The following TENM4 variants were observed in gnomAD, a reference collection of about 807,000 sequenced individuals.
The protein encoded by TENM4 is teneurin-4.
TENM4 carries 82 observed loss-of-function variants against 243.3 expected under a neutral mutation model. The observed-to-expected ratio is 0.34, with a 90% CI of 0.28 to 0.40. The LOEUF is 0.40. TENM4 is among the 10% of genes least tolerant of loss of function. The pLI, the probability that TENM4 is intolerant of heterozygous loss-of-function variation, is 1.00. For synonymous variants in TENM4, 1,412 were observed against 1,456.3 expected (o/e 0.97, Z 0.69); for missense variants, 3,138 against 3,673.3 (o/e 0.85, Z 3.77).
intron 1 of TENM4, among the ~76,000 whole-genome samples, chr11:79,374,654 T>A (rs560020122): frequency 2.6e-5 from 4 of 152,262 alleles, no homozygotes; most frequent in African/African-American, 9.6e-5. Context: ...CAAAAAGTTT[T>A]CTAAAATTTG....
At chr11:78,767,766 A>T (rs1047379624) in intron 18 of TENM4, among the ~76,000 whole-genome samples, 2 of 152,216 alleles carry the variant, frequency 1.3e-5, no homozygotes, top group African/African-American at 4.8e-5. Flanking sequence ...TGAATGATTT[A>T]TCTTGGATTA....
chr11:78,788,892 C>A (rs971752147), intron 15 of TENM4, among the ~76,000 whole-genome samples: 1 of 152,158 alleles, frequency 6.6e-6, no homozygotes, highest in African/African-American at 2.4e-5. Flanking sequence ...TATGACAGAG[C>A]ACCCTCCCTG....
At chr11:79,191,589 TC>T (rs1273431582) in intron 3 of TENM4, 1 of 158,456 alleles carries the variant, frequency 6.3e-6, no homozygotes, top group African/African-American at 2.6e-5. Flanking sequence ...TGGCTGCCCA[TC>T]GTCTGGGATG....
At chr11:79,337,912 G>T (rs1185980983) in intron 1 of TENM4, among the ~76,000 whole-genome samples, 1 of 152,188 alleles carries the variant, frequency 6.6e-6, no homozygotes, top group Non-Finnish European at 1.5e-5. Context: ...TAGACTTGCT[G>T]GCATCTCACA....
chr11:79,215,999 C>A (rs1864045778), intron 2 of TENM4, 90 bp from the exon 3 acceptor site: 3 of 292,856 alleles, frequency 1.0e-5, no homozygotes, highest in South Asian at 1.3e-4. Flanking sequence ...GCAGTCATTG[C>A]AAACACACAC....
chr11:78,845,503 C>T (rs1858369905), intron 12 of TENM4, among the ~76,000 whole-genome samples: 1 of 152,154 alleles, frequency 6.6e-6, no homozygotes. Flanking sequence ...CAGCTCTACC[C>T]CCAACTGTAC....
chr11:78,766,351 T>G (rs1856539163), intron 18 of TENM4, among the ~76,000 whole-genome samples: 1 of 152,250 alleles, frequency 6.6e-6, no homozygotes, highest in African/African-American at 2.4e-5. Context: ...GTCACCATCT[T>G]TGAAATGGGC....
intron 6 of TENM4, among the ~76,000 whole-genome samples, chr11:78,974,538 G>C (rs977451020): frequency 6.6e-6 from 1 of 152,116 alleles, no homozygotes; most frequent in Admixed American, 6.5e-5. Flanking sequence ...ATCTTTTAGA[G>C]CTGGGGAGCC....
chr11:78,744,776 A>G (rs558261001), intron 19 of TENM4, among the ~76,000 whole-genome samples: 19 of 152,356 alleles, frequency 1.2e-4, no homozygotes, highest in African/African-American at 4.6e-4. Context: ...AGGGTAACAT[A>G]CATTTGGTGC....
At chr11:79,075,305 C>A (rs1279832226) in intron 4 of TENM4, among the ~76,000 whole-genome samples, 1 of 152,204 alleles carries the variant, frequency 6.6e-6, no homozygotes, top group African/African-American at 2.4e-5. Context: ...TGTCCAACTG[C>A]AAACCTTCTT....
At chr11:78,999,643 T>C (rs1262313810) in intron 6 of TENM4, among the ~76,000 whole-genome samples, 1 of 152,070 alleles carries the variant, frequency 6.6e-6, no homozygotes, top group Non-Finnish European at 1.5e-5. Context: ...AACTGAAGTG[T>C]CCAGTTTTCA....
At chr11:78,721,949 C>T (rs1859664368) in intron 24 of TENM4, among the ~76,000 whole-genome samples, 1 of 152,162 alleles carries the variant, frequency 6.6e-6, no homozygotes, top group African/African-American at 2.4e-5. Context: ...GAGAAAAATC[C>T]AACATATCAG....
At chr11:78,899,450 T>C (rs1855875256) in intron 7 of TENM4, among the ~76,000 whole-genome samples, 1 of 150,340 alleles carries the variant, frequency 6.7e-6, no homozygotes. Flanking sequence ...GGGTGGCACA[T>C]GCCTGTAGTC....
At chr11:78,877,959 T>A (rs572894083) in intron 9 of TENM4, among the ~76,000 whole-genome samples, 2 of 152,068 alleles carry the variant, frequency 1.3e-5, no homozygotes, top group Non-Finnish European at 2.9e-5. Flanking sequence ...CTTGCTTGAG[T>A]CATAAGTAGT....
At chr11:78,703,657 G>C (rs1216771991) in intron 27 of TENM4, among the ~76,000 whole-genome samples, 2 of 151,980 alleles carry the variant, frequency 1.3e-5, no homozygotes, top group Non-Finnish European at 2.9e-5. Flanking sequence ...GGAACCCTTT[G>C]CCACCTGTGT....
intron 4 of TENM4, among the ~76,000 whole-genome samples, chr11:79,100,180 T>G (rs1861190678): frequency 6.6e-6 from 1 of 152,132 alleles, no homozygotes; most frequent in African/African-American, 2.4e-5. Context: ...CTATAACAAA[T>G]ACATGGAGAA....
chr11:79,434,012 G>T (rs1390549845), intron 1 of TENM4, among the ~76,000 whole-genome samples: 2 of 152,270 alleles, frequency 1.3e-5, no homozygotes, highest in South Asian at 2.1e-4. Context: ...CCTTGGAAAT[G>T]GGAGGACTGG....
At chr11:79,282,707 T>A (rs888648108) in intron 2 of TENM4, among the ~76,000 whole-genome samples, 6 of 152,174 alleles carry the variant, frequency 3.9e-5, no homozygotes, top group Non-Finnish European at 1.5e-5. Context: ...TAAGCATTGG[T>A]CTTGTTCAGC....
chr11:78,942,555 C>A (rs1034848235), intron 6 of TENM4, among the ~76,000 whole-genome samples: 2 of 152,046 alleles, frequency 1.3e-5, no homozygotes, highest in African/African-American at 4.8e-5. Context: ...GGCCTGTGGG[C>A]CAAGGGTTGG....
Sources: allele counts gnomAD v4.1 joint callset (sites outside exome capture counted in the v4.1 genomes callset), GRCh38; gene constraint gnomAD v4.1.1; transcripts MANE v1.5; gene names NCBI Gene and HGNC (gene_info 2026-07-23, HGNC 2026-07-21).